Variants in FAM13B observed in about 807,000 individuals in gnomAD.
FAM13B encodes the protein family with sequence similarity 13 member B.
FAM13B carries 60 observed loss-of-function variants against 117.3 expected under a neutral mutation model. The observed-to-expected ratio is 0.51, with a 90% CI of 0.42 to 0.63. FAM13B has a LOEUF of 0.63. Ranked by LOEUF, FAM13B falls within the 30% of genes least tolerant of loss-of-function variation. The pLI, the probability that FAM13B is intolerant of heterozygous loss-of-function variation, is 0.00. For synonymous variants in FAM13B, 332 were observed against 356.1 expected, an observed-to-expected ratio of 0.93 and a Z score of 0.76; for missense variants, 972 against 1,091.9, an observed-to-expected ratio of 0.89 and a Z score of 1.55.
rs148088678 is a variant in FAM13B, at chr5:138,018,362, C to T, written c.310G>A (p.Glu104Lys). The change falls in exon 4 of 24, where the codon GAA becomes AAA. Residue 104 changes from glutamate to lysine, a missense_variant. Transcript: ENST00000689681. ...CCAGGGATAACAGGTTCAGGAAGTT[C>T]TTGAAGAAAAAATCTAAGAAGGCTA... ...AISLLRFFLQELPEPVIPGSL... is the reference protein window; with the variant it reads ...AISLLRFFLQKLPEPVIPGSL... 553 of 1,613,984 alleles carry T rather than the reference C, an allele frequency of 3.4e-4. No homozygotes were observed. The highest frequency in any genetic ancestry group is 3.1e-4 in the Non-Finnish European group (364 of 1,180,012).
intron 7 of FAM13B, among the ~76,000 whole-genome samples, chr5:137,997,916 T>C (rs1167434536): frequency 6.6e-6 from 1 of 152,244 alleles, no homozygotes; most frequent in African/African-American, 2.4e-5. Flanking sequence ...CAGGCTGAGA[T>C]GGCTCCAGTG....
chr5:138,012,191 T>C (rs1362208853), intron 4 of FAM13B, among the ~76,000 whole-genome samples: 1 of 151,096 alleles, frequency 6.6e-6, no homozygotes, highest in South Asian at 2.1e-4. Context: ...GTTTTCCTCA[T>C]CTATTACTCA....
In FAM13B at chr5:137,938,484, G is replaced by T. The variant is rs1760770238; in HGVS notation, c.*1741C>A. Reference sequence around the variant, plus strand: ...TATCTGAAATGTACACTGCATGATGGATTCAAATAAAAATGATACATCTTT... The same window carrying T: ...TATCTGAAATGTACACTGCATGATGTATTCAAATAAAAATGATACATCTTT... On this transcript the variant is annotated 3_prime_UTR_variant, in exon 24 of 24. Coordinates refer to ENST00000689681, the MANE Select transcript of FAM13B (RefSeq NM_001385994.1). 1 of 152,532 alleles carries T rather than the reference G, an allele frequency of 6.6e-6. No individual in the cohort carries two copies. The highest frequency in any genetic ancestry group is 6.5e-5 in the Admixed American group (1 of 15,270). The allele number at this position is 152,532 out of a possible 1,614,324, so 9.4% of individuals were successfully genotyped here.
chr5:137,963,255 C>G (rs1451224184), intron 10 of FAM13B, among the ~76,000 whole-genome samples: 1 of 152,204 alleles, frequency 6.6e-6, no homozygotes, highest in African/African-American at 2.4e-5. Flanking sequence ...TTCAACAAAA[C>G]AATGTAACAG....
chr5:137,966,488 T>TATATATATATAG (rs1461425784), intron 10 of FAM13B, among the ~76,000 whole-genome samples: 9 of 29,480 alleles, frequency 3.1e-4, no homozygotes, highest in African/African-American at 5.1e-4. Flanking sequence ...TATATATATA[T>TATATATATATAG]AGAGAGAGAG....
At position 137,939,052 on chromosome 5, in the gene FAM13B, T is replaced by G. The variant is rs904136430; in HGVS notation, c.*1173A>C. ...CGAGACAGTACCTGAAGAAAAGCCA[T>G]GCAAAGCCAAAGGAAAAAAAGATAT... On this transcript the variant is annotated 3_prime_UTR_variant, in exon 24 of 24. Coordinates refer to ENST00000689681, the MANE Select transcript of FAM13B (RefSeq NM_001385994.1). The G allele has an allele frequency of 1.3e-5, 2 of 151,808 alleles. No individual in the cohort carries two copies. Among genetic ancestry groups the G allele is most frequent in the African/African-American group, 4.8e-5 (2 of 41,304 alleles). 9.4% of individuals were successfully genotyped at this position (151,808 alleles called of 1,614,324 possible).
intron 1 of FAM13B, among the ~76,000 whole-genome samples, chr5:138,030,607 C>G (rs1322511670): frequency 6.6e-6 from 1 of 151,972 alleles, no homozygotes; most frequent in African/African-American, 2.4e-5. Flanking sequence ...AGAGTATAAG[C>G]TCTCCAAAGT....
chr5:137,975,868 T>C (rs1170590726), intron 10 of FAM13B, among the ~76,000 whole-genome samples: 1 of 151,222 alleles, frequency 6.6e-6, no homozygotes, highest in Non-Finnish European at 1.5e-5. Context: ...ATCTAGTGAG[T>C]GATTCCTACT....
intron 10 of FAM13B, among the ~76,000 whole-genome samples, chr5:137,968,485 A>G (rs1770835371): frequency 1.3e-5 from 2 of 152,048 alleles, no homozygotes; most frequent in Non-Finnish European, 2.9e-5. Flanking sequence ...CAGCCTGGCT[A>G]ACCAATACAT....
In FAM13B at chr5:138,007,010, T is replaced by C; in HGVS notation, c.828A>G (p.Ser276=). 6.2e-6 allele frequency: 10 copies of C among 1,609,458 alleles called. No individual in the cohort carries two copies. The highest frequency in any genetic ancestry group is 8.5e-6 in the Non-Finnish European group (10 of 1,179,008). ...ATTACCTTGTTGCCGTAACACTATT[T>C]GATTCCAGGATGTTTTCAGTCATCC... ...QLRMTENILE[S]NSVTATSTHI... Residue 276 remains serine, a synonymous_variant, in exon 7 of 24, where the codon TCA becomes TCG. Coordinates refer to ENST00000689681, the MANE Select transcript of FAM13B (RefSeq NM_001385994.1).
intron 2 of FAM13B, 125 bp downstream of exon 2, chr5:138,020,906 A>T: frequency 1.9e-6 from 1 of 514,420 alleles, no homozygotes; most frequent in Non-Finnish European, 3.0e-6. Flanking sequence ...TCCATTCTTC[A>T]ATGTATCTGG....
chr5:138,036,232 C>A, upstream of FAM13B: 2 of 357,278 alleles, frequency 5.6e-6, no homozygotes, highest in Non-Finnish European at 1.1e-5. Flanking sequence ...TAAATTACAA[C>A]GACTGCTTCC....
chr5:138,051,007 A>G (rs942942885), intron 1 of FAM13B, among the ~76,000 whole-genome samples: 6 of 152,024 alleles, frequency 3.9e-5, no homozygotes, highest in African/African-American at 1.2e-4. Flanking sequence ...AGAAAAGCAT[A>G]TGTAGCATAT....
intron 13 of FAM13B, among the ~76,000 whole-genome samples, chr5:137,959,020 C>A (rs1767362026): frequency 1.3e-5 from 2 of 152,134 alleles, no homozygotes; most frequent in African/African-American, 4.8e-5. Flanking sequence ...CAAAGAAACA[C>A]AAAAATCTAT....
intron 10 of FAM13B, among the ~76,000 whole-genome samples, chr5:137,978,691 A>G (rs1296704532): frequency 6.6e-6 from 1 of 152,114 alleles, no homozygotes; most frequent in African/African-American, 2.4e-5. Context: ...TGCTATGGTC[A>G]TGGCTGCTTT....
At position 137,939,876 on chromosome 5, in the gene FAM13B, G is replaced by T; in HGVS notation, c.*349C>A. 1 of 1,333,184 alleles carries T rather than the reference G, an allele frequency of 7.5e-7. No individual in the cohort carries two copies. Among genetic ancestry groups the T allele is most frequent in the Non-Finnish European group, 9.6e-7 (1 of 1,045,072 alleles). The allele number at this position is 1,333,184 out of a possible 1,614,324, so 82.6% of individuals were successfully genotyped here. ...TTTCTTCAGTAATGAGAAACAAAAA[G>T]TTGGTAATAACAAAAAGCTTGCATT... On this transcript the variant is annotated 3_prime_UTR_variant, in exon 24 of 24. Coordinates refer to ENST00000689681, the MANE Select transcript of FAM13B (RefSeq NM_001385994.1).
At position 138,011,015 on chromosome 5, in the gene FAM13B, G is replaced by A. The variant is rs1333565059; in HGVS notation, c.683C>T (p.Thr228Ile). ...DFSSNDLSSI[T>I]EQVNELSEEE... ...CAAATAGAATATTCTCACCTGTTCA[G>A]TAATTGAACTCAAATCATTAGATGA... The change falls in exon 6 of 24, where the codon ACT becomes ATT. Residue 228 changes from threonine (T) to isoleucine (I), a missense_variant. Thr to Ile is a moderately conservative substitution (Grantham distance 89, BLOSUM62 -1). Coordinates refer to ENST00000689681, the MANE Select transcript of FAM13B (RefSeq NM_001385994.1). 1.0e-5 allele frequency: 16 copies of A among 1,575,796 alleles called. No homozygotes were observed. The East Asian group carries it at 3.7e-4, about 36-fold the overall frequency.
At chr5:137,953,190 A>G in intron 16 of FAM13B, 146 bp downstream of exon 16, 1 of 835,250 alleles carries the variant, frequency 1.2e-6, no homozygotes, top group South Asian at 2.1e-5. Context: ...GGAGTTATAT[A>G]ATCTCAGATC....
chr5:138,005,424 T>TA (rs1378910250), intron 7 of FAM13B, among the ~76,000 whole-genome samples: 2 of 149,392 alleles, frequency 1.3e-5, no homozygotes, highest in East Asian at 3.9e-4. Flanking sequence ...TGTATCCAAA[T>TA]AATTTAGAAG....
Sources: allele counts gnomAD v4.1 joint callset (sites outside exome capture counted in the v4.1 genomes callset), GRCh38; gene constraint gnomAD v4.1.1; transcripts MANE v1.5; gene names NCBI Gene and HGNC (gene_info 2026-07-23, HGNC 2026-07-21).